The following GPC5 variants were observed in gnomAD, a reference collection of about 807,000 sequenced individuals.
The protein encoded by GPC5 is glypican-5.
Under a neutral mutation model 53.9 loss-of-function variants are expected in GPC5, and 47 were observed. That is an observed-to-expected ratio of 0.87 (90% CI 0.69 to 1.11). The LOEUF (loss-of-function observed/expected upper bound fraction) is 1.11, where lower values mean the gene tolerates loss of function less well. Among genes scored for constraint, GPC5 ranks in the 50% most tolerant of loss-of-function variants. The pLI, the probability that GPC5 is intolerant of heterozygous loss-of-function variation, is 0.00. For missense variants in GPC5, 748 were observed against 713.1 expected (o/e 1.05, Z -0.56); for synonymous variants, 286 against 263.3 (o/e 1.09, Z -0.84).
intron 5 of GPC5, among the ~76,000 whole-genome samples, chr13:91,840,416 G>T (rs1310689212): frequency 6.6e-6 from 1 of 152,080 alleles, no homozygotes; most frequent in Admixed American, 6.6e-5. Flanking sequence ...GGAAGGTGCA[G>T]CTGTCAATGT....
At chr13:91,924,261 T>A (rs1235755788) in intron 6 of GPC5, among the ~76,000 whole-genome samples, 1 of 152,240 alleles carries the variant, frequency 6.6e-6, no homozygotes, top group Non-Finnish European at 1.5e-5. Flanking sequence ...TTGTCATTAT[T>A]ATTAATGAGA....
At chr13:92,128,249 A>G (rs2041715692) in intron 6 of GPC5, among the ~76,000 whole-genome samples, 1 of 152,182 alleles carries the variant, frequency 6.6e-6, no homozygotes, top group Non-Finnish European at 1.5e-5. Context: ...AGGCCAAAGT[A>G]AATTACTCTC....
rs576897049 is a variant in GPC5 at position 92,737,137 on chromosome 13, C to G, written c.1562-129145C>G. ...CATAGCTACTTTGCAGAGTATCTTT[C>G]TCCAACTAGATTACTGACAATGTAC... On this transcript the variant is annotated intron_variant, in intron 7 of 7. Coordinates refer to ENST00000377067, the MANE Select transcript of GPC5 (RefSeq NM_004466.6). 3.3e-5 allele frequency among the ~76,000 whole-genome samples: 5 copies of G among 152,136 alleles called. No homozygotes were observed. In the South Asian group the frequency reaches 1.0e-3, roughly 32 times the overall value.
chr13:92,613,330 A>AATATAATATATTTATATATT (rs1555295271), intron 7 of GPC5, among the ~76,000 whole-genome samples: 36 of 99,192 alleles, frequency 3.6e-4, no homozygotes, highest in African/African-American at 1.4e-3. Context: ...ATATTTATAT[A>AATATAATATATTTATATATT]ATATAATATA....
intron 7 of GPC5, among the ~76,000 whole-genome samples, chr13:92,799,888 T>C (rs1876836527): frequency 6.6e-6 from 1 of 151,812 alleles, no homozygotes; most frequent in South Asian, 2.1e-4. Flanking sequence ...AAAATACAGA[T>C]GAATCGGCTC....
intron 7 of GPC5, among the ~76,000 whole-genome samples, chr13:92,492,709 C>G (rs1879814196): frequency 6.6e-6 from 1 of 152,068 alleles, no homozygotes. Flanking sequence ...GTTCTTCTTC[C>G]TTAGGAAAGC....
intron 7 of GPC5, among the ~76,000 whole-genome samples, chr13:92,274,476 C>T (rs147595489): frequency 6.6e-6 from 1 of 152,248 alleles, no homozygotes; most frequent in African/African-American, 2.4e-5. Context: ...TAAATATCAG[C>T]TTTTCCTCAT....
intron 6 of GPC5, among the ~76,000 whole-genome samples, chr13:92,049,633 C>T (rs1566412305): frequency 6.6e-6 from 1 of 152,104 alleles, no homozygotes; most frequent in Non-Finnish European, 1.5e-5. Context: ...TAAAATGCAT[C>T]AGACTATTAG....
intron 7 of GPC5, among the ~76,000 whole-genome samples, chr13:92,842,677 C>A (rs371599372): frequency 2.1e-5 from 3 of 145,348 alleles, no homozygotes; most frequent in African/African-American, 7.5e-5. Context: ...TTTCATATTT[C>A]CAATGACAAG....
intron 5 of GPC5, among the ~76,000 whole-genome samples, chr13:91,829,384 G>T (rs751078717): frequency 7.9e-5 from 12 of 152,006 alleles, no homozygotes; most frequent in Non-Finnish European, 1.5e-4. Flanking sequence ...ATTCAAGACT[G>T]GATCCTGTAC....
At chr13:92,783,991 C>G (rs1876125295) in intron 7 of GPC5, among the ~76,000 whole-genome samples, 1 of 152,104 alleles carries the variant, frequency 6.6e-6, no homozygotes, top group African/African-American at 2.4e-5. Flanking sequence ...TTAAAGCATT[C>G]TTGGTATCAG....
At chr13:91,487,123 C>CA (rs1216091815) in intron 2 of GPC5, among the ~76,000 whole-genome samples, 1 of 151,736 alleles carries the variant, frequency 6.6e-6, no homozygotes, top group East Asian at 1.9e-4. Flanking sequence ...AATGAACTGA[C>CA]AAAATGCAGA....
chr13:91,750,391 A>C (rs201406362), intron 4 of GPC5, among the ~76,000 whole-genome samples: 1 of 152,204 alleles, frequency 6.6e-6, no homozygotes, highest in Non-Finnish European at 1.5e-5. Flanking sequence ...CTGAAGGATA[A>C]TTAGATGGGA....
chr13:91,571,927 A>ACACACATATACGTGTGTGTGTG (rs2031866978), intron 2 of GPC5, among the ~76,000 whole-genome samples: 1 of 127,666 alleles, frequency 7.8e-6, no homozygotes, highest in Admixed American at 7.5e-5. Context: ...CATATTGTAT[A>ACACACATATACGTGTGTGTGTG]TATACACACA....
At chr13:91,957,521 T>G (rs78396243) in intron 6 of GPC5, among the ~76,000 whole-genome samples, 3,599 of 152,112 alleles carry the variant, frequency 0.024, 144 homozygotes, top group African/African-American at 0.082. Flanking sequence ...TATGGCAAAT[T>G]TCAAAAATCA....
Position 91,763,298 on chromosome 13 carries a change from G to A in GPC5, c.1280+6878G>A, listed in dbSNP as rs151324919. 5.5e-3 allele frequency among the ~76,000 whole-genome samples: 835 copies of A among 152,200 alleles called. 3 individuals are homozygous for A. The highest frequency in any genetic ancestry group is 0.014 in the Middle Eastern group (4 of 294). ...CCCCCCCGGACAACTTTAAGACCAT[G>A]TACATCTCATGGTACGCACTTTCAT... On this transcript the variant is annotated intron_variant, in intron 5 of 7. Coordinates refer to ENST00000377067, the MANE Select transcript of GPC5 (RefSeq NM_004466.6).
intron 7 of GPC5, among the ~76,000 whole-genome samples, chr13:92,162,815 C>T (rs1330611996): frequency 3.3e-5 from 5 of 152,034 alleles, no homozygotes; most frequent in Non-Finnish European, 7.4e-5. Context: ...CAACTCAATA[C>T]TTTTTTTCTG....
At chr13:91,443,420 C>A (rs1880578314) in intron 1 of GPC5, among the ~76,000 whole-genome samples, 1 of 152,126 alleles carries the variant, frequency 6.6e-6, no homozygotes, top group African/African-American at 2.4e-5. Context: ...TGAATTTAAA[C>A]TTCTAGCCTC....
chr13:92,859,976 A>G (rs1314332334), intron 7 of GPC5, among the ~76,000 whole-genome samples: 1 of 152,112 alleles, frequency 6.6e-6, no homozygotes, highest in Non-Finnish European at 1.5e-5. Flanking sequence ...CAGAAAAAAA[A>G]GTCTAGTTAT....
Sources: allele counts gnomAD v4.1 joint callset (sites outside exome capture counted in the v4.1 genomes callset), GRCh38; gene constraint gnomAD v4.1.1; transcripts MANE v1.5; gene names NCBI Gene and HGNC (gene_info 2026-07-23, HGNC 2026-07-21).